Variants in TRAF5 observed in about 807,000 individuals in gnomAD.
TRAF5 encodes TNF receptor associated factor 5.
A neutral mutation model predicts 64.5 loss-of-function variants in TRAF5; 48 were observed. The ratio of observed to expected loss-of-function variants is 0.74; its 90% CI spans 0.59 to 0.95. TRAF5 has a LOEUF of 0.95. TRAF5 is among the 40% of genes least tolerant of loss of function. The pLI is 0.00. For synonymous variants in TRAF5, 206 were observed against 240.5 expected (o/e 0.86, Z 1.33); for missense variants, 545 against 662.8 (o/e 0.82, Z 1.95).
chr1:211,355,942 C>T (rs916090570), intron 3 of TRAF5, among the ~76,000 whole-genome samples: 3 of 152,160 alleles, frequency 2.0e-5, no homozygotes, highest in African/African-American at 7.2e-5. Context: ...TATCTGACCC[C>T]TTACAGAGAA....
intron 1 of TRAF5, among the ~76,000 whole-genome samples, chr1:211,340,036 G>A (rs545697730): frequency 1.3e-5 from 2 of 152,326 alleles, no homozygotes; most frequent in South Asian, 2.1e-4. Flanking sequence ...GTCATGCCAC[G>A]GTTTCTAAAT....
chr1:211,358,910 A>C (rs1430341104), intron 4 of TRAF5: 1 of 149,442 alleles, frequency 6.7e-6, no homozygotes, highest in Non-Finnish European at 1.5e-5. Flanking sequence ...AATAAATAAC[A>C]GAATATTTAA....
intron 7 of TRAF5, among the ~76,000 whole-genome samples, chr1:211,361,765 C>T (rs1572085948): frequency 7.5e-6 from 1 of 133,396 alleles, no homozygotes; most frequent in Non-Finnish European, 1.5e-5. Context: ...GGCATGATCT[C>T]GGCTCAATGC....
intron 10 of TRAF5, 89 bp from the exon 11 acceptor site, chr1:211,372,033 ATTCTCT>A (rs1289700512): frequency 3.7e-6 from 4 of 1,078,582 alleles, no homozygotes. Context: ...GATTTTGTTG[ATTCTCT>A]TTCAGGTAAC....
intron 7 of TRAF5, among the ~76,000 whole-genome samples, chr1:211,363,121 A>G (rs918382241): frequency 1.3e-5 from 2 of 152,164 alleles, no homozygotes; most frequent in Non-Finnish European, 2.9e-5. Context: ...CACTTTTTTT[A>G]GGGCAATTTG....
rs555630328 is a variant in TRAF5, at chr1:211,338,119, C to T, written c.-2+11230C>T. 7.9e-5 allele frequency among the ~76,000 whole-genome samples: 12 copies of T among 152,302 alleles called. No individual in the cohort carries two copies. The South Asian group carries it at 2.1e-3, about 26-fold the overall frequency. On this transcript the variant is annotated intron_variant, in intron 1 of 10. Coordinates refer to ENST00000261464, the MANE Select transcript of TRAF5 (RefSeq NM_001033910.3). ...AGCTGCCACGATGATCTGACTGGTG[C>T]TCCTCACACTGTCATGAGCTGTAGA...
In TRAF5 at chr1:211,360,757, CG is replaced by C; in HGVS notation, c.600del (p.Lys201ArgfsTer4). On this transcript the variant is annotated frameshift_variant, in exon 6 of 11. Transcript: ENST00000261464. LOFTEE classifies it high-confidence loss of function. Reference protein sequence around the residue: ...EYPVFCPNNCAKIILKTEVDE... With the variant: ...EYPVFCPNNCXKIILKTEVDE... ...CCAGTATTTTGTCCCAACAATTGTG[CG>C]AAGATTATTCTAAAAACTGAGGTAA... is the stretch of plus-strand genomic sequence containing the variant. The C allele has an allele frequency of 6.2e-7, 1 of 1,613,674 alleles. No homozygotes were observed. The highest frequency in any genetic ancestry group is 1.6e-4 in the Middle Eastern group (1 of 6,062).
At chr1:211,333,584 G>A (rs574096907) in intron 1 of TRAF5, among the ~76,000 whole-genome samples, 60 of 152,200 alleles carry the variant, frequency 3.9e-4, no homozygotes, top group Middle Eastern at 3.4e-3. Context: ...TGCAACCTCC[G>A]CCTCCTGGGT....
chr1:211,337,256 A>T lies in TRAF5; in HGVS notation c.-2+10367A>T, dbSNP rs527876053. Reference sequence around the variant, plus strand: ...GGTCAGCAAAGGCCTCCCTTGTGAGATAACATTTGAGCAGGTTCCTAAGGT... The same window carrying T: ...GGTCAGCAAAGGCCTCCCTTGTGAGTTAACATTTGAGCAGGTTCCTAAGGT... On this transcript the variant is annotated intron_variant, in intron 1 of 10. Transcript: ENST00000261464. Among the ~76,000 whole-genome samples the T allele has an allele frequency of 1.5e-4, 23 of 152,354 alleles. No individual in the cohort carries two copies. The South Asian group carries it at 4.8e-3, about 32-fold the overall frequency.
In TRAF5 at chr1:211,326,857, C is replaced by G; in HGVS notation, c.-34C>G. The stretch of plus-strand genomic sequence containing the variant: ...CAGGAGCAGCAGCCGCGCCTGCAGA[C>G]CGGCCTCGCGGAGCCCGCGCGCCGA... On this transcript the variant is annotated 5_prime_UTR_variant, in exon 1 of 11. Transcript: ENST00000261464. This position sits in a 1 kb window ranked among gnomAD's most constrained non-coding sequence, Gnocchi z 5.0. 2.0e-6 allele frequency: 2 copies of G among 984,920 alleles called. No individual in the cohort carries two copies. Among genetic ancestry groups the G allele is most frequent in the Non-Finnish European group, 2.4e-6 (2 of 829,552 alleles). The allele number at this position is 984,920 out of a possible 1,614,324, so 61.0% of individuals were successfully genotyped here.
In TRAF5 at chr1:211,353,385, A is replaced by G. The variant is rs774999398; in HGVS notation, c.146A>G (p.His49Arg). The G allele has an allele frequency of 6.2e-7, 1 of 1,613,972 alleles. No homozygotes were observed. Among genetic ancestry groups the G allele is most frequent in the Non-Finnish European group, 8.5e-7 (1 of 1,179,992 alleles). The change falls in exon 2 of 11, where the codon CAC becomes CGC. Residue 49 changes from histidine (H) to arginine (R), a missense_variant. His to Arg is a conservative substitution (Grantham distance 29). Coordinates refer to ENST00000261464, the MANE Select transcript of TRAF5 (RefSeq NM_001033910.3). ...LEERYKCAFC[H>R]SVLHNPHQTG... ...GAGCGCTACAAATGTGCCTTCTGCC[A>G]CTCGGTGCTTCACAACCCCCACCAG... is the stretch of plus-strand genomic sequence containing the variant.
intron 4 of TRAF5, 98 bp downstream of exon 4, chr1:211,356,566 G>A (rs963894206): frequency 9.4e-7 from 1 of 1,065,532 alleles, no homozygotes; most frequent in South Asian, 1.4e-5. Context: ...GCATGGTACA[G>A]GGATTCAGTG....
At chr1:211,369,283 A>G (rs1049006719) in intron 8 of TRAF5, 169 bp from the exon 9 acceptor site, 1 of 600,612 alleles carries the variant, frequency 1.7e-6, no homozygotes, top group African/African-American at 1.9e-5. Context: ...CCACCTGTGA[A>G]TATCTTCCTA....
chr1:211,371,317 A>G lies in TRAF5; in HGVS notation c.946A>G (p.Ile316Val), dbSNP rs1056577384. Residue 316 changes from isoleucine (I) to valine (V), a missense_variant, in exon 10 of 11, where the codon ATT becomes GTT. Transcript: ENST00000261464. ...LPNIQVFASH[I>V]DKSAWLEAQV... is the part of the protein sequence containing the mutation. ...GTAATGAAAGGTTTTTGCCAGTCAC[A>G]TTGACAAGTCAGCTTGGCTAGAAGC... 1.0e-5 allele frequency: 16 copies of G among 1,588,552 alleles called. No homozygotes were observed. Among genetic ancestry groups the G allele is most frequent in the Non-Finnish European group, 1.4e-5 (16 of 1,173,794 alleles).
At chr1:211,339,730 G>A (rs915316018) in intron 1 of TRAF5, among the ~76,000 whole-genome samples, 1 of 152,212 alleles carries the variant, frequency 6.6e-6, no homozygotes, top group Non-Finnish European at 1.5e-5. Context: ...TGTGCCTGGG[G>A]TGTGTCTGGG....
chr1:211,330,143 G>A lies in TRAF5; in HGVS notation c.-2+3254G>A, dbSNP rs139788235. 2.2e-3 allele frequency among the ~76,000 whole-genome samples: 334 copies of A among 152,262 alleles called. 2 individuals are homozygous for A. The highest frequency in any genetic ancestry group is 7.8e-3 in the African/African-American group (324 of 41,532). The stretch of plus-strand genomic sequence containing the variant: ...GCAGGTGGTGGTGCATGCTTGGATC[G>A]TGCTGTAGCAAAAGCAGTATACATG... On this transcript the variant is annotated intron_variant, in intron 1 of 10. Coordinates refer to ENST00000261464, the MANE Select transcript of TRAF5 (RefSeq NM_001033910.3).
Position 211,369,556 on chromosome 1 carries a change from G to T in TRAF5, c.894G>T (p.Leu298Phe). The part of the protein sequence containing the change: ...LEKEFKQFAQ[L>F]FGKNGSFLPN... ...AGGAGTTCAAGCAGTTTGCACAGTT[G>T]TTTGGCAAAAATGGAAGCTTCCTCC... Residue 298 changes from leucine (L) to phenylalanine (F), a missense_variant, in exon 9 of 11, where the codon TTG becomes TTT. Leu to Phe is a conservative substitution (Grantham distance 22). Coordinates refer to ENST00000261464, the MANE Select transcript of TRAF5 (RefSeq NM_001033910.3). 6.3e-7 allele frequency: 1 copy of T among 1,596,972 alleles called. No individual in the cohort carries two copies. The highest frequency in any genetic ancestry group is 8.5e-7 in the Non-Finnish European group (1 of 1,173,842).
At chr1:211,350,011 G>A (rs1344434073) in intron 1 of TRAF5, among the ~76,000 whole-genome samples, 4 of 152,050 alleles carry the variant, frequency 2.6e-5, no homozygotes, top group African/African-American at 9.7e-5. Flanking sequence ...GGTGGGGCTT[G>A]GTTATTAGGG....
At chr1:211,369,357 G>T in intron 8 of TRAF5, 95 bp from the exon 9 acceptor site, 1 of 1,135,304 alleles carries the variant, frequency 8.8e-7, no homozygotes, top group Non-Finnish European at 1.2e-6. Context: ...TTTTTTCCTA[G>T]AAATACTTTC....
Sources: allele counts gnomAD v4.1 joint callset (sites outside exome capture counted in the v4.1 genomes callset), GRCh38; gene constraint gnomAD v4.1.1; non-coding constraint Gnocchi (gnomAD v3.1); transcripts MANE v1.5; gene names NCBI Gene and HGNC (gene_info 2026-07-23, HGNC 2026-07-21).